LRP1B: variants seen among roughly 807,000 people sequenced by gnomAD.
LRP1B encodes low-density lipoprotein receptor-related protein 1B.
Under a neutral mutation model 556.6 loss-of-function variants are expected in LRP1B, and 217 were observed. That is an observed-to-expected ratio of 0.39 (90% CI 0.35 to 0.44). The LOEUF (loss-of-function observed/expected upper bound fraction) is 0.44. Among genes scored for constraint, LRP1B ranks in the 20% least tolerant of loss-of-function variants. The probability of loss-of-function intolerance (pLI) is 1.00; values close to 1 mark genes in which losing one functional copy is unlikely to be tolerated. For missense variants in LRP1B, 5,053 were observed against 5,620.8 expected, an observed-to-expected ratio of 0.90 and a Z score of 3.23; for synonymous variants, 2,047 against 1,865.8, an observed-to-expected ratio of 1.10 and a Z score of -2.50.
chr2:141,529,365 G>A (rs182650336), intron 2 of LRP1B, among the ~76,000 whole-genome samples: 10 of 152,258 alleles, frequency 6.6e-5, no homozygotes, highest in Non-Finnish European at 1.3e-4. Flanking sequence ...TTGCCCTTGA[G>A]GCACTCACTT....
intron 2 of LRP1B, among the ~76,000 whole-genome samples, chr2:141,491,361 GAA>G (rs993081228): frequency 1.3e-5 from 2 of 152,120 alleles, no homozygotes; most frequent in African/African-American, 4.8e-5. Flanking sequence ...GCTGATTTAA[GAA>G]AAACTTAGGA....
intron 2 of LRP1B, among the ~76,000 whole-genome samples, chr2:141,737,249 G>T (rs1693508805): frequency 6.6e-6 from 1 of 152,158 alleles, no homozygotes; most frequent in Non-Finnish European, 1.5e-5. Context: ...CTACTTGGGA[G>T]GCCAAGGCAG....
chr2:142,016,687 G>A (rs536892463), intron 1 of LRP1B, among the ~76,000 whole-genome samples: 175 of 152,012 alleles, frequency 1.2e-3, no homozygotes, highest in African/African-American at 4.0e-3. Flanking sequence ...GGGGGGTAGG[G>A]GCTAGGGGAT....
chr2:140,558,018 A>G (rs1188882148), intron 43 of LRP1B, among the ~76,000 whole-genome samples: 1 of 152,198 alleles, frequency 6.6e-6, no homozygotes, highest in Non-Finnish European at 1.5e-5. Flanking sequence ...GTTGAACAAA[A>G]GAATAAAGTG....
chr2:140,481,578 TTTA>T (rs539100695), intron 59 of LRP1B, among the ~76,000 whole-genome samples: 16,558 of 136,956 alleles, frequency 0.12, 930 homozygotes, highest in Middle Eastern at 0.17. Flanking sequence ...GGTAGCCATC[TTTA>T]TTATTATTAT....
rs369193376 is a variant in LRP1B at position 140,449,114 on chromosome 2, A to G, written c.10057+1454T>C. Among the ~76,000 whole-genome samples the G allele has an allele frequency of 3.9e-5, 6 of 152,214 alleles. No individual in the cohort carries two copies. The East Asian group carries it at 7.7e-4, about 20-fold the overall frequency. ...GATGAAATTTCAGTCAAAATTACAAATAGAGGTCAGGAGCTGCAGGTCATT... is the reference window on the plus strand; with the variant it reads ...GATGAAATTTCAGTCAAAATTACAAGTAGAGGTCAGGAGCTGCAGGTCATT... On this transcript the variant is annotated intron_variant, in intron 63 of 90. Transcript: ENST00000389484.
rs1408460705 is a variant in LRP1B, at chr2:141,208,827, C to A, written c.851-20244G>T. On this transcript the variant is annotated intron_variant, in intron 6 of 90. Transcript: ENST00000389484. ...GAGCTTACAGTGAGCTGAGATCACG[C>A]CGCTGCACTCCAACCTGGGCAATAA... Among the ~76,000 whole-genome samples, 3 of 124,890 alleles carry A rather than the reference C, an allele frequency of 2.4e-5. No homozygotes were observed. The Admixed American group carries it at 3.1e-4, about 13-fold the overall frequency. 81.9% of individuals were successfully genotyped at this position (124,890 alleles called of 152,430 possible). A position where few individuals can be genotyped will look rare whatever the true frequency, so the allele number is the denominator to read the frequency against.
intron 42 of LRP1B, among the ~76,000 whole-genome samples, chr2:140,600,439 A>C (rs1173096523): frequency 6.6e-6 from 1 of 152,112 alleles, no homozygotes; most frequent in African/African-American, 2.4e-5. Flanking sequence ...AGCTCTATAA[A>C]AGGGTTCAGA....
chr2:140,490,690 G>A (rs1222754618), intron 57 of LRP1B, among the ~76,000 whole-genome samples: 1 of 152,078 alleles, frequency 6.6e-6, no homozygotes, highest in African/African-American at 2.4e-5. Context: ...ATAACACTGT[G>A]ATGAAACTGT....
At chr2:141,047,303 C>A (rs1698903495) in intron 11 of LRP1B, among the ~76,000 whole-genome samples, 1 of 151,960 alleles carries the variant, frequency 6.6e-6, no homozygotes, top group African/African-American at 2.4e-5. Flanking sequence ...TTTACGTTGC[C>A]TTAATCCGTA....
chr2:141,578,218 A>G (rs967306799), intron 2 of LRP1B, among the ~76,000 whole-genome samples: 14 of 151,968 alleles, frequency 9.2e-5, no homozygotes, highest in African/African-American at 3.4e-4. Flanking sequence ...ACATGGTGAA[A>G]TCCTGCCTCT....
intron 35 of LRP1B, among the ~76,000 whole-genome samples, chr2:140,724,441 A>G (rs1211006135): frequency 6.6e-6 from 1 of 152,214 alleles, no homozygotes; most frequent in East Asian, 1.9e-4. Flanking sequence ...TAGCTTATCT[A>G]ATTTATTTAC....
chr2:140,516,810 T>C, intron 50 of LRP1B, 79 bp downstream of exon 50: 1 of 1,309,874 alleles, frequency 7.6e-7, no homozygotes, highest in South Asian at 1.3e-5. Context: ...ATGTTTTGTA[T>C]AAAATCCCTA....
chr2:140,639,700 G>A (rs1251906803), intron 41 of LRP1B, among the ~76,000 whole-genome samples: 1 of 152,058 alleles, frequency 6.6e-6, no homozygotes, highest in Non-Finnish European at 1.5e-5. Context: ...AAAACAACGT[G>A]AAATTATTTT....
chr2:141,714,163 G>A (rs373504013), intron 2 of LRP1B, among the ~76,000 whole-genome samples: 1 of 152,110 alleles, frequency 6.6e-6, no homozygotes, highest in South Asian at 2.1e-4. Flanking sequence ...ACTGAAAGCA[G>A]CTCACTCTTT....
Position 142,037,286 on chromosome 2 carries a change from T to C in LRP1B, c.82+93362A>G, listed in dbSNP as rs563444834. 8.6e-5 allele frequency among the ~76,000 whole-genome samples: 13 copies of C among 151,696 alleles called. No homozygotes were observed. The South Asian group carries it at 2.5e-3, about 29-fold the overall frequency. ...GGTGTAGTGGTTTCAGCCACTGTCA[T>C]AGCCTCTAGGGAATGCTGAGAAATG... On this transcript the variant is annotated intron_variant, in intron 1 of 90. Coordinates refer to ENST00000389484, the MANE Select transcript of LRP1B (RefSeq NM_018557.3).
intron 1 of LRP1B, among the ~76,000 whole-genome samples, chr2:142,099,875 A>C (rs886262864): frequency 2.6e-5 from 4 of 151,958 alleles, no homozygotes; most frequent in African/African-American, 4.8e-5. Flanking sequence ...TAAAAAGTAC[A>C]TCAATGATTG....
At chr2:141,035,598 T>TA (rs77180529) in intron 11 of LRP1B, among the ~76,000 whole-genome samples, 15,780 of 152,014 alleles carry the variant, frequency 0.1, 911 homozygotes, top group East Asian at 0.22. Flanking sequence ...GAAATCTTTA[T>TA]AAAAAAATAA....
chr2:141,478,340 C>A (rs867151892), intron 3 of LRP1B, among the ~76,000 whole-genome samples: 6 of 152,034 alleles, frequency 3.9e-5, no homozygotes, highest in Non-Finnish European at 5.9e-5. Context: ...TGGTTTTGTT[C>A]TTTTAAAAGC....
Sources: allele counts gnomAD v4.1 joint callset (sites outside exome capture counted in the v4.1 genomes callset), GRCh38; gene constraint gnomAD v4.1.1; transcripts MANE v1.5; gene names NCBI Gene and HGNC (gene_info 2026-07-23, HGNC 2026-07-21).